The following APC variants were observed in gnomAD, a reference collection of about 807,000 sequenced individuals.
The protein encoded by APC is APC regulator of Wnt signaling pathway, also known as adenomatous polyposis coli protein.
APC carries 72 observed loss-of-function variants against 247.0 expected under a neutral mutation model. That is an observed-to-expected ratio of 0.29 (90% CI 0.24 to 0.35). The LOEUF is 0.35. APC is among the 10% of genes least tolerant of loss of function. The probability of loss-of-function intolerance (pLI) is 1.00; values close to 1 mark genes in which losing one functional copy is unlikely to be tolerated. For missense variants in APC, 3,400 were observed against 3,360.7 expected (o/e 1.01, Z -0.29); for synonymous variants, 1,254 against 1,162.5 (o/e 1.08, Z -1.60).
chr5:112,772,163 A>G (rs1757128582), intron 4 of APC, among the ~76,000 whole-genome samples: 1 of 152,184 alleles, frequency 6.6e-6, no homozygotes, highest in Non-Finnish European at 1.5e-5. Context: ...AGGACTAAGA[A>G]GACATGAGAT....
chr5:112,783,530 C>T (rs1041182043), intron 6 of APC, among the ~76,000 whole-genome samples: 1 of 151,162 alleles, frequency 6.6e-6, no homozygotes, highest in Non-Finnish European at 1.5e-5. Flanking sequence ...TGGTGATTCA[C>T]ACCTGTAATT....
At position 112,844,478 on chromosome 5, in the gene APC, T is replaced by C. The variant is rs1323919758; in HGVS notation, c.*352T>C. The stretch of plus-strand genomic sequence containing the variant: ...TATGATATATTGCTGTTATCAATCA[T>C]TTCTAGATTATAAACTGACTAAACT... On this transcript the variant is annotated 3_prime_UTR_variant, in exon 16 of 16. Transcript: ENST00000257430. The C allele has an allele frequency of 3.9e-6, 1 of 259,326 alleles. No homozygotes were observed. Among genetic ancestry groups the C allele is most frequent in the Non-Finnish European group, 7.4e-6 (1 of 135,790 alleles). The allele number at this position is 259,326 out of a possible 1,614,324, so 16.1% of individuals were successfully genotyped here.
rs1176429912 is a variant in APC, at chr5:112,718,000, AT to A, written c.165+10128del. Among the ~76,000 whole-genome samples, 139 of 103,676 alleles carry A rather than the reference AT, an allele frequency of 1.3e-3. 1 individual carries two copies. The highest frequency in any genetic ancestry group is 4.5e-3 in the African/African-American group (115 of 25,358). The allele number at this position is 103,676 out of a possible 152,430, so 68.0% of individuals were successfully genotyped here. On this transcript the variant is annotated intron_variant, in intron 1 of 13. Transcript: ENST00000507379. ...CTTCAGACTTATCTTCAAAGTTCAC[AT>A]TTTTTTTTTCACCTATGCCTAATCT...
At chr5:112,822,044 A>C in intron 11 of APC, 53 bp downstream of exon 11, 1 of 1,189,288 alleles carries the variant, frequency 8.4e-7, no homozygotes, top group South Asian at 1.3e-5. Context: ...GGATTTTTAA[A>C]TCATGGTAGA....
At chr5:112,830,996 C>G (rs1449981633) in intron 14 of APC, among the ~76,000 whole-genome samples, 4 of 152,204 alleles carry the variant, frequency 2.6e-5, no homozygotes, top group South Asian at 2.1e-4. Flanking sequence ...TACTCCTACT[C>G]TAATAACCCT....
At chr5:112,721,922 T>C (rs1216729719) in intron 1 of APC, among the ~76,000 whole-genome samples, 1 of 151,890 alleles carries the variant, frequency 6.6e-6, no homozygotes, top group African/African-American at 2.4e-5. Context: ...TTTAAGAAAG[T>C]TTACGAATTT....
rs544913748 is a variant in APC, at chr5:112,808,997, A to AT, written c.835-6497dup. ...AGAAGGAGGTTTGTGAGAGAAAATA[A>AT]TGAGTCTAGTTTTGGAAAAATGTTA... On this transcript the variant is annotated intron_variant, in intron 8 of 15. Transcript: ENST00000257430. Among the ~76,000 whole-genome samples, 13 of 152,292 alleles carry AT rather than the reference A, an allele frequency of 8.5e-5. No individual in the cohort carries two copies. The East Asian group carries it at 1.7e-3, about 20-fold the overall frequency.
rs2149887620 is a variant in APC, at chr5:112,838,832, G to A, written c.3238G>A (p.Glu1080Lys). ...NQSTTYPVYT[E>K]STDDKHLKFQ... ...AAGTACAACTTATCCTGTTTATACT[G>A]AGAGCACTGATGATAAACACCTCAA... Residue 1080 changes from glutamate to lysine, a missense_variant, in exon 16 of 16, where the codon GAG becomes AAG. Transcript: ENST00000257430. 6.2e-7 allele frequency: 1 copy of A among 1,614,146 alleles called. No homozygotes were observed. The highest frequency in any genetic ancestry group is 1.1e-5 in the South Asian group (1 of 91,076).
chr5:112,839,370 T>C lies in APC; in HGVS notation c.3776T>C (p.Ile1259Thr). 3 of 1,613,816 alleles carry C rather than the reference T, an allele frequency of 1.9e-6. No homozygotes were observed. Among genetic ancestry groups the C allele is most frequent in the Non-Finnish European group, 2.5e-6 (3 of 1,179,874 alleles). Residue 1259 changes from isoleucine (I) to threonine (T), a missense_variant, in exon 16 of 16, where the codon ATA (isoleucine) becomes ACA (threonine). Ile to Thr is a moderately conservative substitution (Grantham distance 89). Coordinates refer to ENST00000257430, the MANE Select transcript of APC (RefSeq NM_000038.6). This position sits in a 1 kb window ranked among gnomAD's most constrained non-coding sequence, Gnocchi z 5.0. ...CKVSSINQET[I>T]QTYCVEDTPI... ...GTTTCTTCTATTAACCAAGAAACAA[T>C]ACAGACTTATTGTGTAGAAGATACT...
At chr5:112,713,578 G>A (rs1750986404) in intron 1 of APC, among the ~76,000 whole-genome samples, 1 of 152,174 alleles carries the variant, frequency 6.6e-6, no homozygotes, top group South Asian at 2.1e-4. Context: ...GTATTGTATG[G>A]AGAAATTTAA....
chr5:112,773,681 C>T (rs1370700063), intron 4 of APC, among the ~76,000 whole-genome samples: 1 of 152,138 alleles, frequency 6.6e-6, no homozygotes, highest in Non-Finnish European at 1.5e-5. Context: ...CCATGCAGTT[C>T]ACACCCATAT....
intron 7 of APC, among the ~76,000 whole-genome samples, chr5:112,797,271 T>C (rs191069245): frequency 2.4e-4 from 36 of 152,102 alleles, no homozygotes; most frequent in African/African-American, 8.4e-4. Context: ...TTTACAATTT[T>C]GCCGTTTGTG....
At chr5:112,772,632 T>C (rs1757184148) in intron 4 of APC, among the ~76,000 whole-genome samples, 1 of 151,404 alleles carries the variant, frequency 6.6e-6, no homozygotes, top group African/African-American at 2.4e-5. Flanking sequence ...TTCTCATGCC[T>C]CAGCCTCCCA....
At chr5:112,804,371 A>G (rs1235211194) in intron 8 of APC, among the ~76,000 whole-genome samples, 1 of 152,148 alleles carries the variant, frequency 6.6e-6, no homozygotes, top group Non-Finnish European at 1.5e-5. Flanking sequence ...AATAAATATT[A>G]TTGACTTAGG....
rs766973462 is a variant in APC, at chr5:112,828,978, T to C, written c.1743+6T>C. ...GTGCTTTAGAAGTTAAAAAGGTACC[T>C]TTGAAAACATTTAGTACTATAATAT... is the stretch of plus-strand genomic sequence containing the variant. On this transcript the variant is annotated splice_donor_region_variant and intron_variant, in intron 14 of 15. Coordinates refer to ENST00000257430, the MANE Select transcript of APC (RefSeq NM_000038.6). 2.2e-5 allele frequency: 34 copies of C among 1,578,796 alleles called. No individual in the cohort carries two copies. The highest frequency in any genetic ancestry group is 2.6e-5 in the Non-Finnish European group (30 of 1,148,056).
chr5:112,808,622 G>T (rs1371763313), intron 8 of APC, among the ~76,000 whole-genome samples: 3 of 152,004 alleles, frequency 2.0e-5, no homozygotes, highest in African/African-American at 7.2e-5. Flanking sequence ...CCCCAGGCTG[G>T]TCTTGAACTC....
At chr5:112,764,130 C>G (rs1755993394) in intron 2 of APC, among the ~76,000 whole-genome samples, 1 of 151,188 alleles carries the variant, frequency 6.6e-6, no homozygotes, top group Non-Finnish European at 1.5e-5. Flanking sequence ...CCTGTAGTCC[C>G]AGCTACTGGG....
At chr5:112,821,864 G>A (rs2149791564) in intron 10 of APC, 32 bp from the exon 11 acceptor site, 5 of 1,509,030 alleles carry the variant, frequency 3.3e-6, no homozygotes, top group Non-Finnish European at 4.6e-6. Flanking sequence ...AAATAACAAA[G>A]CATTATGGTT....
chr5:112,798,032 A>G (rs557225825), intron 7 of APC, among the ~76,000 whole-genome samples: 50 of 152,292 alleles, frequency 3.3e-4, no homozygotes, highest in African/African-American at 1.0e-3. Flanking sequence ...TCAAAATATT[A>G]AACATATAGT....
Sources: allele counts gnomAD v4.1 joint callset (sites outside exome capture counted in the v4.1 genomes callset), GRCh38; gene constraint gnomAD v4.1.1; non-coding constraint Gnocchi (gnomAD v3.1); transcripts MANE v1.5; gene names NCBI Gene and HGNC (gene_info 2026-07-23, HGNC 2026-07-21).